Variants in EIF4G3 observed in about 807,000 individuals in gnomAD.
EIF4G3 encodes eIF-4-gamma 3.
In EIF4G3, 34 loss-of-function variants were observed where a neutral mutation model predicts 186.4. That is an observed-to-expected ratio of 0.18 (90% confidence interval 0.14 to 0.24). The LOEUF (loss-of-function observed/expected upper bound fraction) is 0.24, where lower values mean the gene tolerates loss of function less well. Among genes scored for constraint, EIF4G3 ranks in the 10% least tolerant of loss-of-function variants. The pLI, the probability that EIF4G3 is intolerant of heterozygous loss-of-function variation, is 1.00. For missense variants in EIF4G3, 1,536 were observed against 1,948.5 expected (o/e 0.79, Z 3.99); for synonymous variants, 673 against 679.5 (o/e 0.99, Z 0.15).
At chr1:20,963,737 T>A (rs1184327159) in intron 12 of EIF4G3, among the ~76,000 whole-genome samples, 1 of 152,038 alleles carries the variant, frequency 6.6e-6, no homozygotes. Context: ...GCAGATCACT[T>A]GAGGTCAGGT....
intron 14 of EIF4G3, among the ~76,000 whole-genome samples, chr1:20,930,864 A>T (rs764900022): frequency 1.3e-5 from 2 of 150,092 alleles, no homozygotes; most frequent in Non-Finnish European, 3.0e-5. Context: ...ATGAATTACA[A>T]TTTTTTTTTT....
rs75514026 is a variant in EIF4G3 at position 20,937,264 on chromosome 1, T to C, written c.1663+4227A>G. On this transcript the variant is annotated intron_variant, in intron 14 of 36. Transcript: ENST00000602326. ...TTGTTTCAACTGGATGGAGAGAAGA[T>C]TGCTGTTACCCTGAAAATTAGTATC... Among the ~76,000 whole-genome samples the C allele has an allele frequency of 1.7e-4, 26 of 152,316 alleles. No homozygotes were observed. In the East Asian group the frequency reaches 4.8e-3, roughly 28 times the overall value.
At chr1:20,898,887 C>T (rs1224940990) in intron 16 of EIF4G3, among the ~76,000 whole-genome samples, 12 of 152,188 alleles carry the variant, frequency 7.9e-5, no homozygotes, top group Admixed American at 2.6e-4. Context: ...TGTGCCACCA[C>T]GCCCAGCTTA....
chr1:20,991,135 T>C (rs1455122705), intron 7 of EIF4G3, among the ~76,000 whole-genome samples: 1 of 152,230 alleles, frequency 6.6e-6, no homozygotes, highest in Non-Finnish European at 1.5e-5. Context: ...GATTATTCCA[T>C]TCTAAATTTT....
chr1:20,922,588 C>G (rs1276048672), intron 14 of EIF4G3, among the ~76,000 whole-genome samples: 3 of 152,214 alleles, frequency 2.0e-5, no homozygotes, highest in African/African-American at 7.2e-5. Context: ...TGAGCCACCA[C>G]GTCCAGCATT....
chr1:21,063,603 T>C (rs1271204273), intron 3 of EIF4G3, among the ~76,000 whole-genome samples: 1 of 151,304 alleles, frequency 6.6e-6, no homozygotes, highest in Non-Finnish European at 1.5e-5. Context: ...ACTTTTTTTT[T>C]TAAGTGCACA....
intron 14 of EIF4G3, among the ~76,000 whole-genome samples, chr1:20,910,983 TAAAA>T (rs965324482): frequency 6.6e-6 from 1 of 152,168 alleles, no homozygotes; most frequent in Non-Finnish European, 1.5e-5. Flanking sequence ...TTGGGAGAAA[TAAAA>T]AAGTAAAACT....
In EIF4G3 at chr1:20,978,677, C is replaced by T. The variant is rs942954214; in HGVS notation, c.493+1657G>A. Among the ~76,000 whole-genome samples the T allele has an allele frequency of 1.4e-4, 15 of 106,298 alleles. No individual in the cohort carries two copies. The East Asian group carries it at 5.3e-3, about 38-fold the overall frequency. 69.7% of individuals were successfully genotyped at this position (106,298 alleles called of 152,430 possible). A position where few individuals can be genotyped will look rare whatever the true frequency, so the allele number is the denominator to read the frequency against. The stretch of plus-strand genomic sequence containing the variant: ...TCACTTAGTAGCCCTTTTATCAGAT[C>T]AAAAAAAAAAAAAAAAAAACCCATG... On this transcript the variant is annotated intron_variant, in intron 10 of 36. Transcript: ENST00000602326.
chr1:20,972,169 C>T (rs2076031921), intron 11 of EIF4G3, among the ~76,000 whole-genome samples: 1 of 152,098 alleles, frequency 6.6e-6, no homozygotes, highest in Admixed American at 6.6e-5. Flanking sequence ...AGACAAAACC[C>T]CTATAAATTA....
At chr1:20,894,558 A>G (rs1035326488) in intron 17 of EIF4G3, among the ~76,000 whole-genome samples, 1 of 152,212 alleles carries the variant, frequency 6.6e-6, no homozygotes, top group African/African-American at 2.4e-5. Flanking sequence ...TTTTGCGTGA[A>G]AATTCAGACC....
intron 3 of EIF4G3, among the ~76,000 whole-genome samples, chr1:21,067,640 C>A (rs115898504): frequency 0.029 from 4,369 of 152,122 alleles, 82 homozygotes; most frequent in Non-Finnish European, 0.048. Context: ...AAAAATACTT[C>A]AAAATAGAAG....
intron 2 of EIF4G3, among the ~76,000 whole-genome samples, chr1:21,127,208 CA>C (rs929524848): frequency 1.3e-5 from 2 of 152,130 alleles, no homozygotes; most frequent in African/African-American, 2.4e-5. Flanking sequence ...AAGCTGTTCT[CA>C]AAGCCATGGG....
chr1:21,018,400 T>C (rs934878158), intron 4 of EIF4G3, among the ~76,000 whole-genome samples: 1 of 151,796 alleles, frequency 6.6e-6, no homozygotes, highest in Non-Finnish European at 1.5e-5. Context: ...GCCAACACAG[T>C]CTCTACTAAA....
intron 27 of EIF4G3, 48 bp downstream of exon 27, chr1:20,853,512 C>G: frequency 7.9e-7 from 1 of 1,260,998 alleles, no homozygotes; most frequent in Non-Finnish European, 1.2e-6. Context: ...GCCACACATA[C>G]TGGCAAGCGG....
rs199701693 is a variant in EIF4G3, at chr1:21,046,302, A to G, written c.-67+4564T>C. Among the ~76,000 whole-genome samples the G allele has an allele frequency of 1.4e-3, 207 of 152,366 alleles. 3 individuals are homozygous for G. In the East Asian group the frequency reaches 0.037, roughly 27 times the overall value. On this transcript the variant is annotated intron_variant, in intron 4 of 36. Transcript: ENST00000602326. Reference sequence around the variant, plus strand: ...CTTTGACTAATTAAACAAAATCTCCAGAGAGGACGAAGCTAGAAAGAACTA... The same window carrying G: ...CTTTGACTAATTAAACAAAATCTCCGGAGAGGACGAAGCTAGAAAGAACTA...
At chr1:21,081,679 A>C (rs897669069) in intron 3 of EIF4G3, among the ~76,000 whole-genome samples, 1 of 105,860 alleles carries the variant, frequency 9.4e-6, no homozygotes, top group Non-Finnish European at 1.8e-5. Context: ...GCCTTGCTCT[A>C]TTGCCCAAGC....
Position 20,980,372 on chromosome 1 carries a change from TA to T in EIF4G3, c.454del (p.Tyr152IlefsTer30). On this transcript the variant is annotated frameshift_variant, in exon 10 of 37. Coordinates refer to ENST00000602326, the MANE Select transcript of EIF4G3 (RefSeq NM_001391906.1). LOFTEE classifies it high-confidence loss of function. ...PVQPPGPGPF[Y>X]PGPGPGDFPN... ...GAAGTCCCCAGGTCCTGGTCCAGGA[TA>T]AAAAGGACCTGGCCCCGGTGGTTGA... is the stretch of plus-strand genomic sequence containing the variant. 2 of 1,549,820 alleles carry T rather than the reference TA, an allele frequency of 1.3e-6. No homozygotes were observed. Among genetic ancestry groups the T allele is most frequent in the Non-Finnish European group, 1.7e-6 (2 of 1,159,274 alleles).
At chr1:20,972,729 A>G (rs1012552731) in intron 11 of EIF4G3, among the ~76,000 whole-genome samples, 1 of 152,146 alleles carries the variant, frequency 6.6e-6, no homozygotes, top group Non-Finnish European at 1.5e-5. Context: ...AGCCCACTAA[A>G]CCCTCCCAGT....
intron 36 of EIF4G3, 99 bp from the exon 37 acceptor site, chr1:20,807,599 A>T: frequency 3.7e-6 from 4 of 1,074,160 alleles, no homozygotes; most frequent in Non-Finnish European, 5.0e-6. Flanking sequence ...AATGTGCATT[A>T]ATTCCCCCAG....
Sources: allele counts gnomAD v4.1 joint callset (sites outside exome capture counted in the v4.1 genomes callset), GRCh38; gene constraint gnomAD v4.1.1; transcripts MANE v1.5; gene names NCBI Gene and HGNC (gene_info 2026-07-23, HGNC 2026-07-21).